IQSEC1: variants seen among roughly 807,000 people sequenced by gnomAD.
IQSEC1 encodes IQ motif and Sec7 domain ArfGEF 1.
In IQSEC1, 31 loss-of-function variants were observed where a neutral mutation model predicts 91.0. That is an observed-to-expected ratio of 0.34 (90% CI 0.26 to 0.46). The LOEUF is 0.46. Ranked by LOEUF, IQSEC1 falls within the 20% of genes least tolerant of loss-of-function variation. The pLI is 1.00. For synonymous variants in IQSEC1, 699 were observed against 662.6 expected (o/e 1.05, Z -0.84); for missense variants, 1,388 against 1,575.6 (o/e 0.88, Z 2.02).
intron 1 of IQSEC1, among the ~76,000 whole-genome samples, chr3:13,189,934 G>A (rs1234582326): frequency 6.6e-6 from 1 of 152,178 alleles, no homozygotes; most frequent in Non-Finnish European, 1.5e-5. Flanking sequence ...ATCCTTTCAT[G>A]TCAGTTCCTT....
chr3:13,203,237 ACAC>A (rs1694279070), intron 1 of IQSEC1, among the ~76,000 whole-genome samples: 1 of 152,194 alleles, frequency 6.6e-6, no homozygotes, highest in East Asian at 1.9e-4. Flanking sequence ...ATGCACACAC[ACAC>A]AACTCACCCA....
At chr3:12,950,448 C>T (rs1280683243) in intron 1 of IQSEC1, among the ~76,000 whole-genome samples, 2 of 152,152 alleles carry the variant, frequency 1.3e-5, no homozygotes, top group Non-Finnish European at 2.9e-5. Context: ...TGGGACACTG[C>T]TTGAGGCCAG....
chr3:13,245,781 A>AAAAT (rs10674184), intron 1 of IQSEC1, among the ~76,000 whole-genome samples: 1 of 151,712 alleles, frequency 6.6e-6, no homozygotes, highest in African/African-American at 2.4e-5. Context: ...AAAAAAAAAA[A>AAAAT]AGAATGTGGT....
chr3:13,202,036 A>G, intron 1 of IQSEC1, among the ~76,000 whole-genome samples: 1 of 152,246 alleles, frequency 6.6e-6, no homozygotes, highest in East Asian at 1.9e-4. Flanking sequence ...GCCGCTGCCA[A>G]GAGGAGTCTT....
intron 1 of IQSEC1, among the ~76,000 whole-genome samples, chr3:13,010,403 G>T (rs1251716987): frequency 6.6e-6 from 1 of 152,188 alleles, no homozygotes; most frequent in South Asian, 2.1e-4. Context: ...TCAAGTGACT[G>T]GTCCAGGGAT....
At chr3:13,136,186 G>T (rs967610781) in intron 2 of IQSEC1, among the ~76,000 whole-genome samples, 4 of 152,226 alleles carry the variant, frequency 2.6e-5, no homozygotes, top group African/African-American at 7.2e-5. Context: ...AGGGCCTTGG[G>T]ACTGAGGATT....
rs146769970 is a variant in IQSEC1, at chr3:12,916,048, A to T, written c.2021-315T>A. 1.1e-4 allele frequency among the ~76,000 whole-genome samples: 17 copies of T among 152,316 alleles called. No individual in the cohort carries two copies. The East Asian group carries it at 3.3e-3, about 29-fold the overall frequency. On this transcript the variant is annotated intron_variant, in intron 6 of 13. Coordinates refer to ENST00000613206, the MANE Select transcript of IQSEC1 (RefSeq NM_001134382.3). ...AACCACAGCCCTTCGAAGTGGGTAT[A>T]ATCATCTCCATTCCACAGATGGGAA...
At chr3:12,905,400 G>A (rs1220831271) in intron 12 of IQSEC1, among the ~76,000 whole-genome samples, 48 of 152,288 alleles carry the variant, frequency 3.2e-4, no homozygotes, top group Non-Finnish European at 1.8e-4. Flanking sequence ...CTTGCTCAGT[G>A]TCAGTGACCA....
intron 1 of IQSEC1, among the ~76,000 whole-genome samples, chr3:13,005,802 C>G (rs887578084): frequency 6.6e-6 from 1 of 152,192 alleles, no homozygotes; most frequent in Non-Finnish European, 1.5e-5. Flanking sequence ...TTAGCTCCCC[C>G]TCCCTTCTCA....
chr3:13,009,142 G>A (rs1282811565), intron 1 of IQSEC1, among the ~76,000 whole-genome samples: 1 of 152,188 alleles, frequency 6.6e-6, no homozygotes, highest in Non-Finnish European at 1.5e-5. Context: ...ATTTGCCAAG[G>A]TTTGTTCATG....
At chr3:13,079,291 C>T (rs1286916012) in intron 2 of IQSEC1, among the ~76,000 whole-genome samples, 1 of 152,260 alleles carries the variant, frequency 6.6e-6, no homozygotes, top group African/African-American at 2.4e-5. Context: ...AGTCCTGCAT[C>T]CGTAAGTGCT....
intron 1 of IQSEC1, among the ~76,000 whole-genome samples, chr3:13,168,623 T>C (rs984933054): frequency 1.3e-5 from 2 of 152,128 alleles, no homozygotes; most frequent in Admixed American, 1.3e-4. Context: ...AGGGTTCCAG[T>C]TTCCCCTCGG....
intron 2 of IQSEC1, among the ~76,000 whole-genome samples, chr3:13,090,169 G>T (rs1004167671): frequency 6.6e-6 from 1 of 151,602 alleles, no homozygotes; most frequent in African/African-American, 2.4e-5. Context: ...AGTGAGCCAA[G>T]ATCGCGCCAC....
intron 1 of IQSEC1, among the ~76,000 whole-genome samples, chr3:12,950,552 G>T (rs1699473299): frequency 6.6e-6 from 1 of 152,040 alleles, no homozygotes; most frequent in African/African-American, 2.4e-5. Context: ...AGTGTCTGTA[G>T]TCCCGGTGCT....
Position 13,273,294 on chromosome 3 carries a change from C to T in IQSEC1, c.272+9417G>A, listed in dbSNP as rs147576095. 1.2e-3 allele frequency among the ~76,000 whole-genome samples: 180 copies of T among 152,280 alleles called. 1 individual carries two copies. Among genetic ancestry groups the T allele is most frequent in the African/African-American group, 4.1e-3 (171 of 41,562 alleles). On this transcript the variant is annotated intron_variant, in intron 1 of 15. Transcript: ENST00000648114. ...AAGCCATCTAGAAGTCCTGGCCAGC[C>T]CAAGGGAAGTGAACATCTCTGCTTG...
chr3:13,225,466 T>A (rs1694735724), intron 1 of IQSEC1, among the ~76,000 whole-genome samples: 1 of 152,228 alleles, frequency 6.6e-6, no homozygotes, highest in African/African-American at 2.4e-5. Context: ...CTGGAACATA[T>A]GGGCTGTGTT....
At chr3:12,901,613 C>T in intron 13 of IQSEC1, 91 bp from the exon 14 acceptor site, 4 of 1,088,516 alleles carry the variant, frequency 3.7e-6, no homozygotes, top group Non-Finnish European at 4.0e-6. Context: ...AAAATTCACC[C>T]ACTGACTGCT....
intron 1 of IQSEC1, among the ~76,000 whole-genome samples, chr3:12,975,799 G>A (rs545535064): frequency 1.3e-5 from 2 of 152,348 alleles, no homozygotes; most frequent in South Asian, 2.1e-4. Context: ...AACAGCTAGT[G>A]AGGGATGAGA....
At chr3:13,104,822 G>A (rs2124842220) in intron 2 of IQSEC1, among the ~76,000 whole-genome samples, 1 of 152,322 alleles carries the variant, frequency 6.6e-6, no homozygotes, top group East Asian at 1.9e-4. Flanking sequence ...AGGTCTGCAG[G>A]GGTTGGTCGG....
Sources: allele counts gnomAD v4.1 joint callset (sites outside exome capture counted in the v4.1 genomes callset), GRCh38; gene constraint gnomAD v4.1.1; transcripts MANE v1.5; gene names NCBI Gene and HGNC (gene_info 2026-07-23, HGNC 2026-07-21).